MYLK4: variants seen among roughly 807,000 people sequenced by gnomAD.
The protein encoded by MYLK4 is caMLCK like.
Under a neutral mutation model 48.1 loss-of-function variants are expected in MYLK4, and 46 were observed. That is an observed-to-expected ratio of 0.96 (90% confidence interval 0.75 to 1.22). The LOEUF is 1.22. MYLK4 is among the 50% of genes most tolerant of loss of function. The pLI, the probability that MYLK4 is intolerant of heterozygous loss-of-function variation, is 0.00. For missense variants in MYLK4, 451 were observed against 486.1 expected, an observed-to-expected ratio of 0.93 and a Z score of 0.68; for synonymous variants, 170 against 180.8, an observed-to-expected ratio of 0.94 and a Z score of 0.48.
upstream of MYLK4, among the ~76,000 whole-genome samples, chr6:2,754,039 A>G (rs1764362857): frequency 6.6e-6 from 1 of 152,004 alleles, no homozygotes; most frequent in Admixed American, 6.6e-5. Flanking sequence ...AAGTGTTGAC[A>G]AGGATGTGGA....
intron 2 of MYLK4, among the ~76,000 whole-genome samples, chr6:2,693,140 G>T (rs1290448224): frequency 6.6e-6 from 1 of 152,198 alleles, no homozygotes; most frequent in East Asian, 1.9e-4. Flanking sequence ...ATAGAAAAAA[G>T]CCCAGTAAAA....
At chr6:2,763,336 G>A in the MYLK4 span, among the ~76,000 whole-genome samples, 1 of 152,266 alleles carries the variant, frequency 6.6e-6, no homozygotes, top group African/African-American at 2.4e-5. Flanking sequence ...TAATGAGCCT[G>A]CATTGCTCAG....
chr6:2,708,954 C>G (rs1213207824), intron 2 of MYLK4, among the ~76,000 whole-genome samples: 1 of 152,212 alleles, frequency 6.6e-6, no homozygotes, highest in African/African-American at 2.4e-5. Flanking sequence ...ATTTTGCCTT[C>G]TTCAGCATGA....
the MYLK4 span, among the ~76,000 whole-genome samples, chr6:2,764,351 C>G: frequency 6.6e-6 from 1 of 152,004 alleles, no homozygotes; most frequent in African/African-American, 2.4e-5. Context: ...CCCAGGAGTT[C>G]AAGGCTGTGA....
At chr6:2,676,375 T>C (rs1375422957) in intron 10 of MYLK4, among the ~76,000 whole-genome samples, 5 of 152,110 alleles carry the variant, frequency 3.3e-5, no homozygotes, top group Admixed American at 2.0e-4. Context: ...TCAACCTCAG[T>C]TGGAAGTGTG....
At chr6:2,762,910 C>T in the MYLK4 span, among the ~76,000 whole-genome samples, 1 of 152,150 alleles carries the variant, frequency 6.6e-6, no homozygotes, top group Non-Finnish European at 1.5e-5. Context: ...CTACAAGTCT[C>T]CACAGTGAGT....
intron 2 of MYLK4, among the ~76,000 whole-genome samples, chr6:2,731,459 T>G (rs1763476904): frequency 6.6e-6 from 1 of 152,200 alleles, no homozygotes; most frequent in Non-Finnish European, 1.5e-5. Flanking sequence ...CTTCACCCCA[T>G]GCTGAGCCTT....
At chr6:2,727,654 T>C (rs1763323695) in intron 2 of MYLK4, among the ~76,000 whole-genome samples, 1 of 152,148 alleles carries the variant, frequency 6.6e-6, no homozygotes, top group Non-Finnish European at 1.5e-5. Context: ...TATCTCATCA[T>C]CATCATTATT....
At position 2,679,319 on chromosome 6, in the gene MYLK4, G is replaced by C. The variant is rs749568483; in HGVS notation, c.848C>G (p.Pro283Arg). 3.7e-6 allele frequency: 6 copies of C among 1,614,022 alleles called. No individual in the cohort carries two copies. Among genetic ancestry groups the C allele is most frequent in the Non-Finnish European group, 4.2e-6 (5 of 1,180,032 alleles). The stretch of plus-strand genomic sequence containing the variant: ...GACCCCCACACTCCACATGTCAGTG[G>C]GAAATGAAACAAAATCATAGTTCAC... Reference protein sequence around the residue: ...EVVNYDFVSFPTDMWSVGVIA... With the variant: ...EVVNYDFVSFRTDMWSVGVIA... Residue 283 changes from proline to arginine, a missense_variant, in exon 9 of 13, where the codon CCC (proline) becomes CGC (arginine). By Grantham distance (103) the Pro-to-Arg change is moderately radical. Transcript: ENST00000274643.
chr6:2,675,106 C>G lies in MYLK4; in HGVS notation c.1060G>C (p.Glu354Gln), dbSNP rs752979205. 5 of 1,613,976 alleles carry G rather than the reference C, an allele frequency of 3.1e-6. No individual in the cohort carries two copies. Among genetic ancestry groups the G allele is most frequent in the Non-Finnish European group, 4.2e-6 (5 of 1,179,932 alleles). Residue 354 changes from glutamate (E) to glutamine (Q), a missense_variant, in exon 11 of 13, where the codon GAA (glutamate) becomes CAA (glutamine). Coordinates refer to ENST00000274643, the MANE Select transcript of MYLK4 (RefSeq NM_001012418.5). ...GACAACCAGGGGTGCTTGAGAGCTT[C>G]GCTTGCACTTATTCGCCAACTAGAA... is the stretch of plus-strand genomic sequence containing the variant. ...KEKSWRISAS[E>Q]ALKHPWLSDH...
chr6:2,688,846 C>T lies in MYLK4; in HGVS notation c.341+5G>A. Reference sequence around the variant, plus strand: ...GAGAGAATATTAACATTCAGCCTTACTCACCCTCCTAGGATTTCTGTCTTG... The same window carrying T: ...GAGAGAATATTAACATTCAGCCTTATTCACCCTCCTAGGATTTCTGTCTTG... On this transcript the variant is annotated splice_donor_5th_base_variant and intron_variant, in intron 4 of 12. Coordinates refer to ENST00000274643, the MANE Select transcript of MYLK4 (RefSeq NM_001012418.5). The T allele has an allele frequency of 4.3e-6, 7 of 1,610,784 alleles. No individual in the cohort carries two copies. Among genetic ancestry groups the T allele is most frequent in the South Asian group, 3.3e-5 (3 of 91,002 alleles).
the MYLK4 span, chr6:2,766,503 T>G: frequency 6.9e-7 from 1 of 1,443,850 alleles, no homozygotes; most frequent in Non-Finnish European, 9.2e-7. Flanking sequence ...ATGCAGCTGA[T>G]GGTCGGAGAG....
At chr6:2,768,835 A>G in the MYLK4 span, 2 of 1,613,592 alleles carry the variant, frequency 1.2e-6, no homozygotes, top group Non-Finnish European at 1.7e-6. Flanking sequence ...CAAAAGGAAA[A>G]CCATCCTTTT....
At chr6:2,729,091 C>T (rs186485406) in intron 2 of MYLK4, among the ~76,000 whole-genome samples, 1 of 152,328 alleles carries the variant, frequency 6.6e-6, no homozygotes, top group Non-Finnish European at 1.5e-5. Context: ...GCTTGGGATC[C>T]CAAGGTTCCA....
At chr6:2,681,232 CA>C (rs1213007369) in intron 7 of MYLK4, among the ~76,000 whole-genome samples, 3 of 152,184 alleles carry the variant, frequency 2.0e-5, no homozygotes, top group Admixed American at 1.3e-4. Context: ...CTCCCCTCCC[CA>C]ACCTGTCCAG....
At chr6:2,754,232 A>G (rs1764367908), upstream of MYLK4, among the ~76,000 whole-genome samples, 1 of 152,250 alleles carries the variant, frequency 6.6e-6, no homozygotes, top group Non-Finnish European at 1.5e-5. Flanking sequence ...GAATGTTCAC[A>G]GCAGCATTAT....
intron 2 of MYLK4, among the ~76,000 whole-genome samples, chr6:2,742,918 G>T (rs1763948138): frequency 6.6e-6 from 1 of 152,240 alleles, no homozygotes; most frequent in Middle Eastern, 3.4e-3. Flanking sequence ...GGGATAGATT[G>T]TCTAACTCCC....
intron 2 of MYLK4, among the ~76,000 whole-genome samples, chr6:2,693,926 T>G (rs1761915962): frequency 6.6e-6 from 1 of 151,910 alleles, no homozygotes; most frequent in African/African-American, 2.4e-5. Context: ...CCTGGCTAAT[T>G]TTTTGTATTT....
chr6:2,769,506 T>C, the MYLK4 span, among the ~76,000 whole-genome samples: 1 of 151,952 alleles, frequency 6.6e-6, no homozygotes, highest in Non-Finnish European at 1.5e-5. Context: ...TTTAAAAAAT[T>C]TTTTTTTGTA....
Sources: allele counts gnomAD v4.1 joint callset (sites outside exome capture counted in the v4.1 genomes callset), GRCh38; gene constraint gnomAD v4.1.1; transcripts MANE v1.5; gene names NCBI Gene and HGNC (gene_info 2026-07-23, HGNC 2026-07-21).